The following UST variants were observed in gnomAD, a reference collection of about 807,000 sequenced individuals.
UST encodes the protein uronyl 2-sulfotransferase.
In UST, 21 loss-of-function variants were observed where a neutral mutation model predicts 45.6. That is an observed-to-expected ratio of 0.46 (90% confidence interval 0.33 to 0.66). UST has a LOEUF of 0.66. UST is among the 30% of genes least tolerant of loss of function. The pLI, the probability that UST is intolerant of heterozygous loss-of-function variation, is 0.02. For missense variants in UST, 463 were observed against 512.4 expected, an observed-to-expected ratio of 0.90 and a Z score of 0.93; for synonymous variants, 215 against 200.6, an observed-to-expected ratio of 1.07 and a Z score of -0.61.
At chr6:149,043,794 T>C (rs1776360953) in intron 7 of UST, among the ~76,000 whole-genome samples, 1 of 152,262 alleles carries the variant, frequency 6.6e-6, no homozygotes, top group Admixed American at 6.5e-5. Context: ...TGCTTCTATA[T>C]TTCCACATTA....
At chr6:148,829,140 GGGATGGATGGATGGATGGAT>G (rs61564934) in intron 1 of UST, among the ~76,000 whole-genome samples, 19 of 149,370 alleles carry the variant, frequency 1.3e-4, no homozygotes, top group East Asian at 2.0e-4. Context: ...GTTAAGCCCT[GGGATGGATGGATGGATGGAT>G]GGATGGATGG....
intron 1 of UST, among the ~76,000 whole-genome samples, chr6:148,813,929 AC>A (rs886772946): frequency 5.3e-5 from 8 of 151,566 alleles, no homozygotes; most frequent in African/African-American, 1.7e-4. Context: ...TTGAGTCCAC[AC>A]CCCCCCTTTG....
At chr6:148,840,935 G>T (rs1246236029) in intron 1 of UST, among the ~76,000 whole-genome samples, 1 of 151,818 alleles carries the variant, frequency 6.6e-6, no homozygotes, top group Non-Finnish European at 1.5e-5. Flanking sequence ...ACAGCTTGGT[G>T]TGTGTCCTTA....
intron 7 of UST, among the ~76,000 whole-genome samples, chr6:149,022,623 AG>A (rs1232459978): frequency 6.6e-6 from 1 of 152,036 alleles, no homozygotes; most frequent in African/African-American, 2.4e-5. Context: ...GAAAGAAAGA[AG>A]GAAGCAGCAG....
chr6:148,954,343 A>G (rs1278345566), intron 4 of UST, among the ~76,000 whole-genome samples: 1 of 152,230 alleles, frequency 6.6e-6, no homozygotes. Context: ...TAGAGTAATG[A>G]GTATTTTCTA....
chr6:148,773,660 G>T (rs1776476289), intron 1 of UST, among the ~76,000 whole-genome samples: 1 of 152,104 alleles, frequency 6.6e-6, no homozygotes, highest in East Asian at 1.9e-4. Flanking sequence ...GTGACATTTT[G>T]TTCACATATT....
chr6:148,911,068 A>G (rs955468605), intron 2 of UST, among the ~76,000 whole-genome samples: 7 of 152,104 alleles, frequency 4.6e-5, no homozygotes, highest in Admixed American at 4.6e-4. Context: ...TGACCCCTCC[A>G]GGGTCTCTGG....
chr6:149,041,803 C>A (rs1305177156), intron 7 of UST, among the ~76,000 whole-genome samples: 1 of 152,238 alleles, frequency 6.6e-6, no homozygotes, highest in Non-Finnish European at 1.5e-5. Context: ...CCTCTCCATG[C>A]TGACCACCCT....
At chr6:148,954,003 T>TA in intron 4 of UST, 52 bp downstream of exon 4, 1 of 1,420,692 alleles carries the variant, frequency 7.0e-7, no homozygotes, top group South Asian at 1.2e-5. Flanking sequence ...AATGAACAGT[T>TA]ACTTTAGAAA....
intron 1 of UST, among the ~76,000 whole-genome samples, chr6:148,822,724 G>T (rs907274987): frequency 6.6e-6 from 1 of 152,204 alleles, no homozygotes; most frequent in African/African-American, 2.4e-5. Context: ...TTGGGAGGGG[G>T]TTTGTGATCT....
In UST at chr6:148,747,155, G is replaced by A. The variant is rs1418384873; in HGVS notation, c.-276G>A. On this transcript the variant is annotated 5_prime_UTR_variant, in exon 1 of 8. It adds an upstream start codon to the 5' untranslated region. Coordinates refer to ENST00000367463, the MANE Select transcript of UST (RefSeq NM_005715.3). ...CCCGAGGCGCGGCGGGGCGCGGGGC[G>A]TGGGGACGCTAGCGGGCGCCGGACG... Among the ~76,000 whole-genome samples the A allele has an allele frequency of 6.7e-6, 1 of 149,434 alleles. No homozygotes were observed. The highest frequency in any genetic ancestry group is 2.1e-4 in the South Asian group (1 of 4,810).
intron 7 of UST, among the ~76,000 whole-genome samples, chr6:149,055,038 T>TTGAGCACGTTTCTTAGTA (rs1292073254): frequency 6.6e-6 from 1 of 152,026 alleles, no homozygotes; most frequent in East Asian, 2.0e-4. Flanking sequence ...CTCAATCCTT[T>TTGAGCACGTTTCTTAGTA]ACACTTCGAG....
chr6:148,884,646 A>T (rs1160729405), intron 1 of UST, among the ~76,000 whole-genome samples: 1 of 150,838 alleles, frequency 6.6e-6, no homozygotes, highest in Non-Finnish European at 1.5e-5. Context: ...CGAGGAGCTG[A>T]CTCTTTTGTG....
At chr6:148,990,017 G>A (rs747260002) in intron 5 of UST, among the ~76,000 whole-genome samples, 7 of 152,096 alleles carry the variant, frequency 4.6e-5, no homozygotes, top group Non-Finnish European at 7.4e-5. Flanking sequence ...AAAATTAAGC[G>A]TTTAGGGGAA....
intron 1 of UST, among the ~76,000 whole-genome samples, chr6:148,878,536 GTCATGTATGAGTGTGGGGGA>G (rs1778758027): frequency 6.4e-5 from 6 of 93,558 alleles, no homozygotes; most frequent in Admixed American, 6.3e-4. Flanking sequence ...AGTGCGGGGG[GTCATGTATGAGTGTGGGGGA>G]TCGTGTATGA....
intron 7 of UST, among the ~76,000 whole-genome samples, chr6:149,046,746 G>T (rs528903222): frequency 6.6e-6 from 1 of 152,186 alleles, no homozygotes; most frequent in African/African-American, 2.4e-5. Flanking sequence ...TTCCGTTTCC[G>T]TCTGCAATAG....
intron 1 of UST, among the ~76,000 whole-genome samples, chr6:148,787,684 T>C (rs1213079475): frequency 6.6e-6 from 1 of 152,222 alleles, no homozygotes; most frequent in Non-Finnish European, 1.5e-5. Flanking sequence ...TCTTTTTCGG[T>C]TCCATATGAA....
intron 1 of UST, among the ~76,000 whole-genome samples, chr6:148,747,920 C>A (rs1165546283): frequency 1.3e-5 from 2 of 152,114 alleles, no homozygotes; most frequent in Admixed American, 6.5e-5. Flanking sequence ...TACCCCGGGG[C>A]GAGGCACCGC....
chr6:148,872,288 G>T (rs1281958641), intron 1 of UST, among the ~76,000 whole-genome samples: 1 of 152,024 alleles, frequency 6.6e-6, no homozygotes, highest in Non-Finnish European at 1.5e-5. Flanking sequence ...AAGTAAACTG[G>T]TGAGATGATG....
Sources: allele counts gnomAD v4.1 joint callset (sites outside exome capture counted in the v4.1 genomes callset), GRCh38; gene constraint gnomAD v4.1.1; transcripts MANE v1.5; gene names NCBI Gene and HGNC (gene_info 2026-07-23, HGNC 2026-07-21).